SNTG1: variants seen among roughly 807,000 people sequenced by gnomAD.
SNTG1 encodes the protein syntrophin gamma 1.
In SNTG1, 39 loss-of-function variants were observed where a neutral mutation model predicts 74.7. The ratio of observed to expected loss-of-function variants is 0.52; its 90% CI spans 0.40 to 0.68. SNTG1 has a LOEUF of 0.68. SNTG1 is among the 30% of genes least tolerant of loss of function. The pLI is 0.00. For missense variants in SNTG1, 685 were observed against 609.5 expected, an observed-to-expected ratio of 1.12 and a Z score of -1.30; for synonymous variants, 254 against 217.1, an observed-to-expected ratio of 1.17 and a Z score of -1.49.
At chr8:50,436,472 T>C (rs2093304277) in intron 4 of SNTG1, among the ~76,000 whole-genome samples, 1 of 152,180 alleles carries the variant, frequency 6.6e-6, no homozygotes, top group African/African-American at 2.4e-5. Context: ...CATGTGTGTG[T>C]GTAAATACTA....
chr8:50,268,929 G>A (rs2087626872), intron 2 of SNTG1, among the ~76,000 whole-genome samples: 1 of 152,070 alleles, frequency 6.6e-6, no homozygotes, highest in Non-Finnish European at 1.5e-5. Context: ...AAAGTGCTGA[G>A]GTTACAGGTG....
chr8:50,015,122 C>T (rs1382081004), intron 1 of SNTG1, among the ~76,000 whole-genome samples: 1 of 151,426 alleles, frequency 6.6e-6, no homozygotes, highest in South Asian at 2.1e-4. Context: ...TGAGGGAAAC[C>T]ATGTTGAAAT....
In SNTG1 at chr8:50,459,393, A is replaced by AT. The variant is rs572743836; in HGVS notation, c.363+8668dup. On this transcript the variant is annotated intron_variant, in intron 8 of 18. Transcript: ENST00000642720. ...TTTTATTTTTATTTTTTATTTGAGC[A>AT]TTTTATTTGAATCATCATAAGAGAG... is the stretch of plus-strand genomic sequence containing the variant. 9.3e-4 allele frequency among the ~76,000 whole-genome samples: 142 copies of AT among 152,254 alleles called. 2 individuals are homozygous for AT. Among genetic ancestry groups the AT allele is most frequent in the Middle Eastern group, 6.8e-3 (2 of 294 alleles).
intron 15 of SNTG1, among the ~76,000 whole-genome samples, chr8:50,694,629 AAAG>A (rs2095396845): frequency 6.6e-6 from 1 of 152,126 alleles, no homozygotes. Flanking sequence ...CATCATAAGA[AAAG>A]AAAATTATAG....
chr8:50,168,601 AT>A (rs1436389148), intron 1 of SNTG1, among the ~76,000 whole-genome samples: 1 of 152,172 alleles, frequency 6.6e-6, no homozygotes, highest in African/African-American at 2.4e-5. Context: ...TATAAAGCAT[AT>A]TAATACCAAA....
intron 12 of SNTG1, among the ~76,000 whole-genome samples, chr8:50,573,670 G>A (rs2094561145): frequency 6.6e-6 from 1 of 151,662 alleles, no homozygotes; most frequent in South Asian, 2.1e-4. Flanking sequence ...TCTTGAGTAT[G>A]AAGCATATTG....
chr8:50,182,299 G>A (rs576288642), intron 2 of SNTG1, among the ~76,000 whole-genome samples: 25 of 152,188 alleles, frequency 1.6e-4, no homozygotes, highest in Non-Finnish European at 5.9e-5. Flanking sequence ...TTTTATTGCC[G>A]ATTGCCCTTC....
In SNTG1 at chr8:50,690,033, C is replaced by T. The variant is rs1380567440; in HGVS notation, c.1039-14567C>T. On this transcript the variant is annotated intron_variant, in intron 15 of 18. Coordinates refer to ENST00000642720, the MANE Select transcript of SNTG1 (RefSeq NM_018967.5). ...TCTTCTAGATTTTCTGATTTATTTGCATAGAGATGTTTGTAGTATTCTCTG... is the reference window on the plus strand; with the variant it reads ...TCTTCTAGATTTTCTGATTTATTTGTATAGAGATGTTTGTAGTATTCTCTG... 7.2e-5 allele frequency among the ~76,000 whole-genome samples: 11 copies of T among 152,294 alleles called. No individual in the cohort carries two copies. The East Asian group carries it at 1.5e-3, about 21-fold the overall frequency.
chr8:50,246,375 T>C (rs1343453755), intron 2 of SNTG1, among the ~76,000 whole-genome samples: 2 of 152,016 alleles, frequency 1.3e-5, no homozygotes, highest in African/African-American at 4.8e-5. Flanking sequence ...TTCCATCAAG[T>C]TTAACACACT....
chr8:50,663,606 G>T (rs909147474), intron 15 of SNTG1, among the ~76,000 whole-genome samples: 1 of 152,020 alleles, frequency 6.6e-6, no homozygotes, highest in Non-Finnish European at 1.5e-5. Flanking sequence ...TCCCTAACAC[G>T]GCACTGTAGT....
At chr8:50,387,364 C>A (rs975895088) in intron 2 of SNTG1, among the ~76,000 whole-genome samples, 1 of 152,146 alleles carries the variant, frequency 6.6e-6, no homozygotes, top group Admixed American at 6.6e-5. Flanking sequence ...TCTCTGGGCC[C>A]TCCCAGGGTC....
At chr8:50,235,943 A>G (rs538384805) in intron 2 of SNTG1, among the ~76,000 whole-genome samples, 7 of 152,342 alleles carry the variant, frequency 4.6e-5, no homozygotes, top group Admixed American at 1.3e-4. Flanking sequence ...TTCTACCCAT[A>G]AAGAAATTCC....
chr8:50,706,445 G>A lies in SNTG1; in HGVS notation c.1191+1693G>A, dbSNP rs140056184. ...TTATTTCTCTACAATAGTCCACTTC[G>A]CTTGGAAACAGCTACATGGTAATTT... is the stretch of plus-strand genomic sequence containing the variant. On this transcript the variant is annotated intron_variant, in intron 16 of 18. Transcript: ENST00000642720. Among the ~76,000 whole-genome samples the A allele has an allele frequency of 3.3e-3, 509 of 152,020 alleles. 1 individual carries two copies. Among genetic ancestry groups the A allele is most frequent in the Non-Finnish European group, 5.8e-3 (396 of 67,942 alleles).
intron 8 of SNTG1, among the ~76,000 whole-genome samples, chr8:50,460,370 G>C (rs577657450): frequency 6.6e-6 from 1 of 152,158 alleles, no homozygotes; most frequent in South Asian, 2.1e-4. Flanking sequence ...GTTCTTTAAG[G>C]ACTCTGGATA....
chr8:50,606,170 G>T (rs865801340), intron 13 of SNTG1, among the ~76,000 whole-genome samples: 1 of 152,148 alleles, frequency 6.6e-6, no homozygotes, highest in Admixed American at 6.5e-5. Flanking sequence ...CAGAAAGTTA[G>T]AAACACGTGA....
rs71235311 is a variant in SNTG1 at position 50,601,152 on chromosome 8, C to CAAAAAAAAAA, written c.849+10258_849+10267dup. Among the ~76,000 whole-genome samples the CAAAAAAAAAA allele has an allele frequency of 2.2e-3, 69 of 31,438 alleles. 22 individuals are homozygous for CAAAAAAAAAA. The highest frequency in any genetic ancestry group is 0.013 in the African/African-American group (66 of 5,080). 20.6% of individuals were successfully genotyped at this position (31,438 alleles called of 152,430 possible). ...CAGCCTGGTGACAGAGCCAGCGAGA[C>CAAAAAAAAAA]AAAAAAAAAAAAAAAAAAAAAAAAA... On this transcript the variant is annotated intron_variant, in intron 13 of 18. Transcript: ENST00000642720.
intron 2 of SNTG1, among the ~76,000 whole-genome samples, chr8:50,244,448 C>T (rs1239049851): frequency 6.6e-6 from 1 of 152,080 alleles, no homozygotes; most frequent in Non-Finnish European, 1.5e-5. Flanking sequence ...TCTTGTTATT[C>T]ATATTTGTGT....
chr8:50,375,889 T>G (rs1203351587), intron 2 of SNTG1, among the ~76,000 whole-genome samples: 1 of 152,148 alleles, frequency 6.6e-6, no homozygotes, highest in Non-Finnish European at 1.5e-5. Context: ...ATAGCAACTT[T>G]ACGAAGAACA....
intron 8 of SNTG1, among the ~76,000 whole-genome samples, chr8:50,465,107 T>G (rs2093598649): frequency 6.6e-6 from 1 of 152,174 alleles, no homozygotes; most frequent in Non-Finnish European, 1.5e-5. Context: ...TATATGTAAC[T>G]AATATTAGCT....
Sources: allele counts gnomAD v4.1 joint callset (sites outside exome capture counted in the v4.1 genomes callset), GRCh38; gene constraint gnomAD v4.1.1; transcripts MANE v1.5; gene names NCBI Gene and HGNC (gene_info 2026-07-23, HGNC 2026-07-21).